Variants in NOL9 observed in about 807,000 individuals in gnomAD.
NOL9 encodes the protein nucleolar protein 9, also known as polynucleotide 5'-hydroxyl-kinase NOL9.
NOL9 carries 28 observed loss-of-function variants against 67.9 expected under a neutral mutation model. The observed-to-expected ratio is 0.41, with a 90% CI of 0.31 to 0.57. The LOEUF (loss-of-function observed/expected upper bound fraction) is 0.57. Among genes scored for constraint, NOL9 ranks in the 20% least tolerant of loss-of-function variants. The pLI is 0.25. For missense variants in NOL9, 777 were observed against 897.0 expected, an observed-to-expected ratio of 0.87 and a Z score of 1.71; for synonymous variants, 356 against 352.2, an observed-to-expected ratio of 1.01 and a Z score of -0.12.
chr1:6,537,356 A>C (rs1489415397), intron 6 of NOL9, among the ~76,000 whole-genome samples: 1 of 152,198 alleles, frequency 6.6e-6, no homozygotes, highest in East Asian at 1.9e-4. Flanking sequence ...CCCCGAAAAC[A>C]AAGGTTAACA....
At position 6,528,144 on chromosome 1, in the gene NOL9, C is replaced by T. The variant is rs144313908; in HGVS notation, c.1825+850G>A. ...GGGACTACTTAGCTCCAGCACCCTT[C>T]CAAAACTCCAAATTTATTGACCTCA... On this transcript the variant is annotated intron_variant, in intron 10 of 11. Transcript: ENST00000377705. 3.0e-4 allele frequency among the ~76,000 whole-genome samples: 46 copies of T among 152,290 alleles called. No individual in the cohort carries two copies. The East Asian group carries it at 7.5e-3, about 25-fold the overall frequency.
chr1:6,535,394 G>A (rs1639129966), intron 6 of NOL9, among the ~76,000 whole-genome samples: 1 of 152,202 alleles, frequency 6.6e-6, no homozygotes, highest in South Asian at 2.1e-4. Context: ...TGTTTTTCCT[G>A]AAAGTTAAGA....
At chr1:6,554,041 C>A in intron 1 of NOL9, 66 bp downstream of exon 1, 1 of 1,359,580 alleles carries the variant, frequency 7.4e-7, no homozygotes, top group Non-Finnish European at 9.9e-7. Flanking sequence ...TACCCTGCAG[C>A]TCTCCCGGGG....
intron 6 of NOL9, among the ~76,000 whole-genome samples, chr1:6,538,812 A>C (rs1044678310): frequency 4.6e-5 from 7 of 152,166 alleles, no homozygotes; most frequent in Non-Finnish European, 8.8e-5. Context: ...GTGAAACCCT[A>C]TCTCTACTAA....
At chr1:6,552,573 C>T (rs1639566931) in intron 1 of NOL9, among the ~76,000 whole-genome samples, 2 of 151,936 alleles carry the variant, frequency 1.3e-5, no homozygotes, top group Admixed American at 1.3e-4. Context: ...CAGGCGTGTG[C>T]CACCACATCT....
At chr1:6,553,524 CT>C (rs35449661) in intron 1 of NOL9, among the ~76,000 whole-genome samples, 8 of 147,714 alleles carry the variant, frequency 5.4e-5, no homozygotes, top group African/African-American at 4.9e-5. Flanking sequence ...TAATTGCAAC[CT>C]TTTTTTTTTT....
intron 9 of NOL9, 86 bp downstream of exon 9, chr1:6,531,882 T>C (rs1639036164): frequency 1.1e-6 from 1 of 948,956 alleles, no homozygotes; most frequent in Admixed American, 1.8e-5. Context: ...AGGAGTTATG[T>C]AGTGGTTAGG....
chr1:6,547,130 G>A (rs1639436553), intron 3 of NOL9, among the ~76,000 whole-genome samples: 1 of 152,196 alleles, frequency 6.6e-6, no homozygotes, highest in African/African-American at 2.4e-5. Flanking sequence ...GCTCAGAGCT[G>A]GAACCATCTT....
At chr1:6,542,562 A>G (rs1639320600) in intron 5 of NOL9, among the ~76,000 whole-genome samples, 1 of 151,322 alleles carries the variant, frequency 6.6e-6, no homozygotes, top group African/African-American at 2.4e-5. Flanking sequence ...GGCTTGAGCA[A>G]TTCTCCTGCC....
At chr1:6,548,471 G>A in intron 3 of NOL9, 1 of 234,152 alleles carries the variant, frequency 4.3e-6, no homozygotes, top group Non-Finnish European at 8.9e-6. Flanking sequence ...TTAAGAGATT[G>A]TCCAAAACAA....
At chr1:6,532,234 A>C (rs1639045662) in intron 8 of NOL9, 155 bp from the exon 9 acceptor site, 1 of 731,194 alleles carries the variant, frequency 1.4e-6, no homozygotes, top group African/African-American at 1.8e-5. Flanking sequence ...GGAAGTGTAA[A>C]GACTCTCCTT....
rs1639617415 is a variant in NOL9, at chr1:6,554,280, C to A, written c.223G>T (p.Ala75Ser). 6.8e-7 allele frequency: 1 copy of A among 1,473,090 alleles called. No homozygotes were observed. The highest frequency in any genetic ancestry group is 9.0e-7 in the Non-Finnish European group (1 of 1,114,686). 91.3% of individuals were successfully genotyped at this position (1,473,090 alleles called of 1,614,324 possible). Residue 75 changes from alanine (A) to serine (S), a missense_variant, in exon 1 of 12, where the codon GCC becomes TCC. Ala to Ser is a moderately conservative substitution (Grantham distance 99). This residue lies in a region of NOL9 where 364 missense variants were observed against 344.4 expected (regional missense o/e 1.06). Transcript: ENST00000377705. ...GGGGTCGCGGTGTTGGGTCTCCGGG[C>A]CGCCGCCGCGCGCGACACCTGGCGG... ...GARQVSRAAA[A>S]RRPNTATPSP...
chr1:6,525,896 C>T lies in NOL9; in HGVS notation c.2067G>A (p.Glu689=). The change falls in exon 12 of 12, where the codon GAG becomes GAA. Residue 689 remains glutamate, a synonymous_variant. Coordinates refer to ENST00000377705, the MANE Select transcript of NOL9 (RefSeq NM_024654.5). ...GAREPEEAHK[E]KPYRRPKFCR... is the part of the protein sequence containing the mutation. ...AGAACTTAGGTCTTCGGTATGGTTT[C>T]TCTTTATGTGCCTCCTCAGGTTCTC... The T allele has an allele frequency of 6.2e-7, 1 of 1,614,172 alleles. No individual in the cohort carries two copies. The highest frequency in any genetic ancestry group is 1.1e-5 in the South Asian group (1 of 91,072).
Position 6,525,989 on chromosome 1 carries a change from C to A in NOL9, c.1974G>T (p.Gly658=). 6.2e-7 allele frequency: 1 copy of A among 1,613,906 alleles called. No individual in the cohort carries two copies. Among genetic ancestry groups the A allele is most frequent in the Non-Finnish European group, 8.5e-7 (1 of 1,179,842 alleles). The change falls in exon 12 of 12, where the codon GGG becomes GGT. Residue 658 remains glycine, a synonymous_variant. Transcript: ENST00000377705. ...AATCCGTTGTGACATAAGGTACTGT[C>A]CCTTCGATCCCACGCTGAAACGGAA... ...CVLKCQRGIE[G]TVPYVTTDYN...
intron 11 of NOL9, 141 bp from the exon 12 acceptor site, chr1:6,526,144 TCCTTCAGAGCC>T: frequency 1.4e-6 from 1 of 709,274 alleles, no homozygotes; most frequent in South Asian, 1.8e-5. Flanking sequence ...TTTGATCCCT[TCCTTCAGAGCC>T]CCCTTTAATC....
In NOL9 at chr1:6,541,010, C is replaced by CTTTTTTTTTTTTT. The variant is rs1287698159; in HGVS notation, c.1075+819_1075+820insAAAAAAAAAAAAA. 4.1e-5 allele frequency: 5 copies of CTTTTTTTTTTTTT among 123,092 alleles called. 2 individuals carry two copies. Among genetic ancestry groups the CTTTTTTTTTTTTT allele is most frequent in the Non-Finnish European group, 1.7e-5 (1 of 60,462 alleles). The allele number at this position is 123,092 out of a possible 1,614,324, so 7.6% of individuals were successfully genotyped here. A position where few individuals can be genotyped will look rare whatever the true frequency, so the allele number is the denominator to read the frequency against. On this transcript the variant is annotated intron_variant, in intron 6 of 11. Coordinates refer to ENST00000377705, the MANE Select transcript of NOL9 (RefSeq NM_024654.5). ...ATAAAATCTGTAGACTGGTTAACAG[C>CTTTTTTTTTTTTT]GTTTTTTTTTTTTTTTTTTTTTTTG... is the stretch of plus-strand genomic sequence containing the variant.
At position 6,554,245 on chromosome 1, in the gene NOL9, G is replaced by A. The variant is rs1460810432; in HGVS notation, c.258C>T (p.Ile86=). ...RRPNTATPSP[I]PSPTPASEPE... is the part of the protein sequence containing the mutation. ...GTTCGGAGGCCGGGGTCGGGCTAGG[G>A]ATCGGGCTGGGGGTCGCGGTGTTGG... The change falls in exon 1 of 12, where the codon ATC becomes ATT. Residue 86 remains isoleucine, a synonymous_variant. Coordinates refer to ENST00000377705, the MANE Select transcript of NOL9 (RefSeq NM_024654.5). 2.7e-6 allele frequency: 4 copies of A among 1,504,564 alleles called. No individual in the cohort carries two copies. The highest frequency in any genetic ancestry group is 3.6e-6 in the Non-Finnish European group (4 of 1,126,572). The allele number at this position is 1,504,564 out of a possible 1,614,324, so 93.2% of individuals were successfully genotyped here. A position where few individuals can be genotyped will look rare whatever the true frequency, so the allele number is the denominator to read the frequency against.
chr1:6,544,780 A>T, intron 5 of NOL9, 46 bp downstream of exon 5: 12 of 1,597,242 alleles, frequency 7.5e-6, no homozygotes, highest in Non-Finnish European at 9.4e-6. Flanking sequence ...CCACTTCATG[A>T]CAAAAACCTA....
At chr1:6,553,243 T>A (rs1639581683) in intron 1 of NOL9, among the ~76,000 whole-genome samples, 1 of 152,218 alleles carries the variant, frequency 6.6e-6, no homozygotes, top group South Asian at 2.1e-4. Context: ...ACCCACAGCT[T>A]GCCAAGTCTC....
Sources: gnomAD v4.1 joint callset for allele counts (sites outside exome capture counted in the v4.1 genomes callset) on GRCh38, gnomAD v4.1.1 for gene constraint, gnomAD v4.1.1 regional missense constraint, MANE v1.5 for transcripts, NCBI Gene and HGNC (gene_info 2026-07-23, HGNC 2026-07-21) for gene names.